The following ZBBX variants were observed in gnomAD, a reference collection of about 807,000 sequenced individuals.
The protein encoded by ZBBX is zinc finger B-box domain containing.
In ZBBX, 101 loss-of-function variants were observed where a neutral mutation model predicts 108.5. The observed-to-expected ratio is 0.93, with a 90% CI of 0.79 to 1.10. ZBBX has a LOEUF of 1.10. Among genes scored for constraint, ZBBX ranks in the 50% least tolerant of loss-of-function variants. The probability of loss-of-function intolerance (pLI) is 0.00; values close to 1 mark genes in which losing one functional copy is unlikely to be tolerated. For synonymous variants in ZBBX, 356 were observed against 323.4 expected, an observed-to-expected ratio of 1.10 and a Z score of -1.08; for missense variants, 1,009 against 941.4, an observed-to-expected ratio of 1.07 and a Z score of -0.94.
chr3:167,188,288 A>C, the ZBBX span, among the ~76,000 whole-genome samples: 3 of 152,150 alleles, frequency 2.0e-5, no homozygotes, highest in Non-Finnish European at 4.4e-5. Context: ...TTTTAGTAAA[A>C]TCTTCAGATA....
the ZBBX span, among the ~76,000 whole-genome samples, chr3:167,216,821 G>A: frequency 3.3e-5 from 5 of 152,032 alleles, no homozygotes; most frequent in African/African-American, 7.2e-5. Flanking sequence ...AAGGCTGCAC[G>A]TCTATGATCA....
At chr3:167,335,378 T>C (rs892332251) in intron 9 of ZBBX, among the ~76,000 whole-genome samples, 1 of 152,152 alleles carries the variant, frequency 6.6e-6, no homozygotes, top group Non-Finnish European at 1.5e-5. Flanking sequence ...GGCCCCATTC[T>C]CTGAAGGGTT....
intron 8 of ZBBX, among the ~76,000 whole-genome samples, chr3:167,357,919 T>C (rs974313869): frequency 6.6e-6 from 1 of 151,916 alleles, no homozygotes; most frequent in Admixed American, 6.6e-5. Context: ...AGTAAACTAT[T>C]GCAAGAACAA....
chr3:167,388,800 T>C (rs1414687582), intron 1 of ZBBX, among the ~76,000 whole-genome samples: 1 of 151,962 alleles, frequency 6.6e-6, no homozygotes, highest in Non-Finnish European at 1.5e-5. Context: ...TTCAAGCCAA[T>C]GAGACTCAAA....
At chr3:167,270,485 G>A (rs1414274334) in intron 20 of ZBBX, among the ~76,000 whole-genome samples, 2 of 152,116 alleles carry the variant, frequency 1.3e-5, no homozygotes, top group Non-Finnish European at 2.9e-5. Flanking sequence ...TTTTAGCTTC[G>A]CCTTCTCTAG....
At chr3:167,277,801 T>C (rs1727908401) in intron 20 of ZBBX, among the ~76,000 whole-genome samples, 1 of 152,216 alleles carries the variant, frequency 6.6e-6, no homozygotes, top group Non-Finnish European at 1.5e-5. Flanking sequence ...TATACATTTT[T>C]TTCAGCACCA....
At chr3:167,376,794 C>T (rs1747032099) in intron 2 of ZBBX, among the ~76,000 whole-genome samples, 1 of 152,124 alleles carries the variant, frequency 6.6e-6, no homozygotes, top group South Asian at 2.1e-4. Flanking sequence ...AAGCTAATTT[C>T]CTTGTATGAA....
At chr3:167,236,522 T>A (rs1281670780), downstream of ZBBX, among the ~76,000 whole-genome samples, 1 of 151,828 alleles carries the variant, frequency 6.6e-6, no homozygotes, top group African/African-American at 2.4e-5. Flanking sequence ...TATCTTTTTC[T>A]CCATTTTATA....
chr3:167,266,137 G>A lies in ZBBX; in HGVS notation c.2254+16101C>T, dbSNP rs147748292. 4.6e-4 allele frequency among the ~76,000 whole-genome samples: 70 copies of A among 152,276 alleles called. 1 individual carries two copies. Among genetic ancestry groups the A allele is most frequent in the Middle Eastern group, 6.8e-3 (2 of 294 alleles). On this transcript the variant is annotated intron_variant, in intron 20 of 21. Transcript: ENST00000675490. ...TGTTAAAATTTGGTGTTCCAGTGTCGGGGAGGATGGGTAAATGAATGATGT... is the reference window on the plus strand; with the variant it reads ...TGTTAAAATTTGGTGTTCCAGTGTCAGGGAGGATGGGTAAATGAATGATGT...
intron 20 of ZBBX, among the ~76,000 whole-genome samples, chr3:167,279,322 C>G (rs754198151): frequency 2.6e-5 from 4 of 150,960 alleles, no homozygotes; most frequent in South Asian, 4.2e-4. Flanking sequence ...TGTTTGCAGA[C>G]GACATGATTG....
At chr3:167,262,194 G>C (rs1724662607) in intron 20 of ZBBX, among the ~76,000 whole-genome samples, 1 of 62,932 alleles carries the variant, frequency 1.6e-5, no homozygotes, top group South Asian at 6.2e-4. Flanking sequence ...GGGGCACTCA[G>C]TTTTTGTGGG....
intron 6 of ZBBX, among the ~76,000 whole-genome samples, chr3:167,363,902 T>A (rs571812983): frequency 1.3e-5 from 2 of 152,082 alleles, no homozygotes; most frequent in African/African-American, 4.8e-5. Flanking sequence ...TTTAATGTAA[T>A]GTTTAGGTAT....
chr3:167,196,856 T>C, the ZBBX span, among the ~76,000 whole-genome samples: 1 of 152,174 alleles, frequency 6.6e-6, no homozygotes, highest in African/African-American at 2.4e-5. Flanking sequence ...CCTTTTCCTA[T>C]GCTAACACAT....
chr3:167,242,803 G>A (rs1350180357), intron 20 of ZBBX, among the ~76,000 whole-genome samples, 160 bp from the exon 21 acceptor site: 2 of 152,132 alleles, frequency 1.3e-5, no homozygotes, highest in African/African-American at 2.4e-5. Flanking sequence ...TGTGAGGTAA[G>A]TTTGATTTGA....
At chr3:167,269,733 C>G (rs372984698) in intron 20 of ZBBX, among the ~76,000 whole-genome samples, 1 of 152,154 alleles carries the variant, frequency 6.6e-6, no homozygotes, top group Non-Finnish European at 1.5e-5. Flanking sequence ...TGGGTCATAC[C>G]GGTTAGTACA....
At chr3:167,230,642 C>T in the ZBBX span, among the ~76,000 whole-genome samples, 5 of 151,570 alleles carry the variant, frequency 3.3e-5, no homozygotes, top group Admixed American at 1.3e-4. Context: ...ACCTTGAGTC[C>T]GAACAACAGC....
chr3:167,368,751 C>T, intron 4 of ZBBX, 177 bp from the exon 5 acceptor site: 1 of 1,260,924 alleles, frequency 7.9e-7, no homozygotes, highest in Non-Finnish European at 9.9e-7. Context: ...CCATCAAAAT[C>T]CTGAAGCAAA....
At chr3:167,221,628 C>A in the ZBBX span, among the ~76,000 whole-genome samples, 1 of 151,790 alleles carries the variant, frequency 6.6e-6, no homozygotes, top group African/African-American at 2.4e-5. Context: ...TTGAGTAACA[C>A]CCCACAAGCA....
upstream of ZBBX, among the ~76,000 whole-genome samples, chr3:167,380,870 A>G (rs1747660723): frequency 9.2e-6 from 1 of 109,218 alleles, no homozygotes. Flanking sequence ...ATATATGCAC[A>G]CACACACACA....
Sources: gnomAD v4.1 joint callset for allele counts (sites outside exome capture counted in the v4.1 genomes callset) on GRCh38, gnomAD v4.1.1 for gene constraint, MANE v1.5 for transcripts, NCBI Gene and HGNC (gene_info 2026-07-23, HGNC 2026-07-21) for gene names.